Variants in DNM3 observed in about 807,000 individuals in gnomAD.
DNM3 encodes dynamin 3, also known as dynamin-3.
A neutral mutation model predicts 101.6 loss-of-function variants in DNM3; 47 were observed. The observed-to-expected ratio is 0.46, with a 90% CI of 0.37 to 0.59. The LOEUF (loss-of-function observed/expected upper bound fraction) is 0.59. Ranked by LOEUF, DNM3 falls within the 20% of genes least tolerant of loss-of-function variation. The pLI is 0.00. For missense variants in DNM3, 849 were observed against 1,085.7 expected, an observed-to-expected ratio of 0.78 and a Z score of 3.06; for synonymous variants, 385 against 387.9, an observed-to-expected ratio of 0.99 and a Z score of 0.09.
intron 4 of DNM3, among the ~76,000 whole-genome samples, chr1:171,997,820 T>C (rs1201178218): frequency 6.6e-6 from 1 of 152,110 alleles, no homozygotes; most frequent in African/African-American, 2.4e-5. Context: ...TTCTAAAAAA[T>C]AGGCTATTGG....
chr1:171,860,156 A>T (rs1388271505), intron 1 of DNM3, among the ~76,000 whole-genome samples: 2 of 152,150 alleles, frequency 1.3e-5, no homozygotes, highest in Non-Finnish European at 2.9e-5. Context: ...GACAATAGTC[A>T]CTACCCCATG....
At chr1:171,907,600 A>G (rs1272287450) in intron 1 of DNM3, among the ~76,000 whole-genome samples, 1 of 152,056 alleles carries the variant, frequency 6.6e-6, no homozygotes, top group Non-Finnish European at 1.5e-5. Context: ...ACAATGGCTG[A>G]GGTGATCTGG....
intron 14 of DNM3, among the ~76,000 whole-genome samples, chr1:172,207,037 T>G (rs2148506567): frequency 6.6e-6 from 1 of 152,140 alleles, no homozygotes; most frequent in South Asian, 2.1e-4. Context: ...ATGCTCAGGA[T>G]TTCTTAAGGA....
intron 3 of DNM3, 53 bp downstream of exon 3, chr1:171,987,858 T>G: frequency 6.9e-7 from 1 of 1,456,046 alleles, no homozygotes; most frequent in South Asian, 1.5e-5. Context: ...TTATACTACA[T>G]TAATTAACAT....
At chr1:172,071,364 G>A (rs1029696793) in intron 11 of DNM3, among the ~76,000 whole-genome samples, 2 of 151,974 alleles carry the variant, frequency 1.3e-5, no homozygotes, top group Middle Eastern at 6.8e-3. Flanking sequence ...AAAGCTGGTA[G>A]TGGTCACCTC....
chr1:172,301,729 T>C (rs1025970258), intron 15 of DNM3, among the ~76,000 whole-genome samples: 4 of 152,184 alleles, frequency 2.6e-5, no homozygotes, highest in African/African-American at 9.7e-5. Flanking sequence ...TACTATAATC[T>C]GACATTTATA....
At chr1:172,200,779 G>A (rs1294868712) in intron 14 of DNM3, among the ~76,000 whole-genome samples, 1 of 151,954 alleles carries the variant, frequency 6.6e-6, no homozygotes, top group Non-Finnish European at 1.5e-5. Flanking sequence ...TGGCTATTTT[G>A]TCCTTCAGCT....
intron 14 of DNM3, among the ~76,000 whole-genome samples, chr1:172,225,596 A>C (rs866464146): frequency 6.6e-6 from 1 of 151,532 alleles, no homozygotes; most frequent in African/African-American, 2.4e-5. Context: ...CCATAACTCT[A>C]TCTCTTAAGA....
At chr1:172,338,741 G>A in intron 17 of DNM3, 1 of 441,968 alleles carries the variant, frequency 2.3e-6, no homozygotes, top group South Asian at 1.6e-5. Context: ...TTTGTTCAAA[G>A]AAGTCATTAC....
intron 1 of DNM3, among the ~76,000 whole-genome samples, chr1:171,886,150 C>G (rs1323514073): frequency 3.3e-5 from 5 of 152,132 alleles, no homozygotes; most frequent in African/African-American, 1.2e-4. Context: ...TGAGCTAAAC[C>G]TGAAATGTTG....
intron 17 of DNM3, among the ~76,000 whole-genome samples, chr1:172,343,765 T>C (rs1023349018): frequency 6.6e-6 from 1 of 152,204 alleles, no homozygotes; most frequent in Non-Finnish European, 1.5e-5. Context: ...GTTCTTACTG[T>C]TTGGGGATTT....
chr1:172,056,601 A>G (rs560090901), intron 10 of DNM3, among the ~76,000 whole-genome samples: 3 of 152,092 alleles, frequency 2.0e-5, no homozygotes, highest in African/African-American at 4.8e-5. Context: ...CTCACACGGC[A>G]GGGTACTCCA....
chr1:171,867,854 G>A (rs1225592986), intron 1 of DNM3, among the ~76,000 whole-genome samples: 1 of 152,052 alleles, frequency 6.6e-6, no homozygotes, highest in African/African-American at 2.4e-5. Context: ...CATCAAAGAT[G>A]TCACACACTT....
At chr1:172,020,761 G>A (rs927080185) in intron 4 of DNM3, among the ~76,000 whole-genome samples, 2 of 149,864 alleles carry the variant, frequency 1.3e-5, no homozygotes, top group Non-Finnish European at 3.0e-5. Flanking sequence ...AATGTTGTGG[G>A]ATATTTCCAG....
intron 2 of DNM3, among the ~76,000 whole-genome samples, chr1:171,986,785 T>G (rs2045292085): frequency 6.6e-6 from 1 of 152,136 alleles, no homozygotes; most frequent in African/African-American, 2.4e-5. Flanking sequence ...AGTTGTACAA[T>G]TCTTCATTGA....
chr1:172,316,104 AT>A lies in DNM3; in HGVS notation c.1882-7221del, dbSNP rs945229989. ...ATATTCAACATTCTTAAAGAAAAGA[AT>A]TTTCAACCCAGAATTTCATATCCAG... On this transcript the variant is annotated intron_variant, in intron 16 of 20. Coordinates refer to ENST00000627582, the MANE Select transcript of DNM3 (RefSeq NM_015569.5). 3.5e-4 allele frequency among the ~76,000 whole-genome samples: 53 copies of A among 152,288 alleles called. No individual in the cohort carries two copies. The East Asian group carries it at 5.4e-3, about 16-fold the overall frequency.
At chr1:172,284,577 TCAAA>T (rs2063623891) in intron 15 of DNM3, among the ~76,000 whole-genome samples, 1 of 152,184 alleles carries the variant, frequency 6.6e-6, no homozygotes, top group Admixed American at 6.5e-5. Context: ...GACATGTTTA[TCAAA>T]CAAATAAATC....
chr1:172,008,131 A>G (rs766261449), intron 4 of DNM3, among the ~76,000 whole-genome samples: 13 of 121,846 alleles, frequency 1.1e-4, no homozygotes, highest in Non-Finnish European at 1.7e-4. Flanking sequence ...ACAGTTTGCA[A>G]ATTTTTTTTT....
At chr1:172,413,930 TGTTTG>T (rs1252027730), downstream of DNM3, among the ~76,000 whole-genome samples, 1 of 152,004 alleles carries the variant, frequency 6.6e-6, no homozygotes, top group African/African-American at 2.4e-5. Flanking sequence ...GTGTTCTGTT[TGTTTG>T]TTTTGTTTTA....
Sources: allele counts gnomAD v4.1 joint callset (sites outside exome capture counted in the v4.1 genomes callset), GRCh38; gene constraint gnomAD v4.1.1; transcripts MANE v1.5; gene names NCBI Gene and HGNC (gene_info 2026-07-23, HGNC 2026-07-21).